The following CDH2 variants were observed in gnomAD, a reference collection of about 807,000 sequenced individuals.
The protein encoded by CDH2 is cadherin-2.
In CDH2, 17 loss-of-function variants were observed where a neutral mutation model predicts 92.0. That is an observed-to-expected ratio of 0.18 (90% CI 0.13 to 0.28). The LOEUF is 0.28. CDH2 is among the 10% of genes least tolerant of loss of function. The pLI, the probability that CDH2 is intolerant of heterozygous loss-of-function variation, is 1.00. For synonymous variants in CDH2, 419 were observed against 415.9 expected (o/e 1.01, Z -0.09); for missense variants, 862 against 1,133.1 (o/e 0.76, Z 3.44).
At chr18:27,950,545 G>A (rs1051183622), downstream of CDH2, among the ~76,000 whole-genome samples, 1 of 152,088 alleles carries the variant, frequency 6.6e-6, no homozygotes, top group Admixed American at 6.6e-5. Context: ...AGAATTCCAG[G>A]TGTCCACTGC....
At chr18:28,071,255 T>C (rs2014612630) in intron 2 of CDH2, among the ~76,000 whole-genome samples, 1 of 152,134 alleles carries the variant, frequency 6.6e-6, no homozygotes, top group Non-Finnish European at 1.5e-5. Flanking sequence ...TTTCCCCTTC[T>C]TTTGAGTAAG....
intron 2 of CDH2, among the ~76,000 whole-genome samples, chr18:28,067,349 C>G (rs1247421889): frequency 6.6e-6 from 1 of 152,078 alleles, no homozygotes; most frequent in African/African-American, 2.4e-5. Flanking sequence ...CTGCCCCTCA[C>G]AGCCGTCATC....
intron 7 of CDH2, among the ~76,000 whole-genome samples, chr18:27,997,729 T>A (rs1358271035): frequency 6.6e-6 from 1 of 152,000 alleles, no homozygotes; most frequent in Non-Finnish European, 1.5e-5. Flanking sequence ...TGCCTCTAGA[T>A]AAATTGGGTT....
At chr18:27,964,558 C>T (rs1200519622) in intron 14 of CDH2, among the ~76,000 whole-genome samples, 1 of 152,196 alleles carries the variant, frequency 6.6e-6, no homozygotes, top group Non-Finnish European at 1.5e-5. Flanking sequence ...CTTCATCTCT[C>T]TGTCTGAAAC....
chr18:28,043,489 T>TATAA (rs2014000098), intron 2 of CDH2, among the ~76,000 whole-genome samples: 2 of 75,036 alleles, frequency 2.7e-5, no homozygotes, highest in East Asian at 1.0e-3. Context: ...TATATATATA[T>TATAA]ATATAAATAT....
At chr18:27,938,166 C>A (rs1192981338) in intron 6 of CDH2, among the ~76,000 whole-genome samples, 2 of 152,168 alleles carry the variant, frequency 1.3e-5, no homozygotes, top group East Asian at 3.9e-4. Context: ...GCTCCCCCTT[C>A]GCCTTCCACC....
intron 2 of CDH2, among the ~76,000 whole-genome samples, chr18:28,078,600 A>C (rs1490607729): frequency 6.6e-6 from 1 of 151,764 alleles, no homozygotes; most frequent in East Asian, 1.9e-4. Context: ...CAACTCCCTC[A>C]TATTTGATAT....
At chr18:27,988,865 T>A (rs757381629) in intron 10 of CDH2, among the ~76,000 whole-genome samples, 199 bp from the exon 11 acceptor site, 1 of 152,190 alleles carries the variant, frequency 6.6e-6, no homozygotes, top group Non-Finnish European at 1.5e-5. Context: ...GTCAGGCATG[T>A]AGGAAACATT....
chr18:28,089,860 G>A (rs2015004157), intron 2 of CDH2, among the ~76,000 whole-genome samples: 1 of 152,106 alleles, frequency 6.6e-6, no homozygotes, highest in African/African-American at 2.4e-5. Flanking sequence ...GAGGTAAACA[G>A]GACAGAGCCC....
chr18:27,975,585 C>T (rs1386853836), intron 14 of CDH2, among the ~76,000 whole-genome samples: 2 of 152,218 alleles, frequency 1.3e-5, no homozygotes, highest in East Asian at 3.9e-4. Context: ...GCCTGCCACC[C>T]CAAGGCCCCA....
rs201467326 is a variant in CDH2 at position 28,012,008 on chromosome 18, G to C, written c.400-16C>G. On this transcript the variant is annotated splice_polypyrimidine_tract_variant and intron_variant, in intron 3 of 15. Transcript: ENST00000269141. ...CTGCTGACTCCTTTACATTAAAATA[G>C]AAGACATTCCTGAGTACTAGGAAAC... 7.5e-6 allele frequency: 12 copies of C among 1,609,618 alleles called. No homozygotes were observed. The highest frequency in any genetic ancestry group is 1.3e-5 in the African/African-American group (1 of 74,892).
At chr18:28,010,928 G>A (rs893834810) in intron 4 of CDH2, among the ~76,000 whole-genome samples, 4 of 148,746 alleles carry the variant, frequency 2.7e-5, no homozygotes, top group African/African-American at 9.8e-5. Context: ...GGGATTACAG[G>A]TGCCCTGCCT....
At position 27,992,665 on chromosome 18, in the gene CDH2, G is replaced by T. The variant is rs200033452; in HGVS notation, c.1334C>A (p.Thr445Asn). Residue 445 changes from threonine to asparagine, a missense_variant, in exon 9 of 16, where the codon ACC becomes AAC. By Grantham distance (65) the Thr-to-Asn change is moderately conservative. Coordinates refer to ENST00000269141, the MANE Select transcript of CDH2 (RefSeq NM_001792.5). ...CCGAGGAACACTTACTTTGACCACGGTGACTAACCCGTCGTTGCTGTTTGG... is the reference window on the plus strand; with the variant it reads ...CCGAGGAACACTTACTTTGACCACGTTGACTAACCCGTCGTTGCTGTTTGG... ...TDPNSNDGLV[T>N]VVKPIDFETN... 6.2e-7 allele frequency: 1 copy of T among 1,611,978 alleles called. No homozygotes were observed. Among genetic ancestry groups the T allele is most frequent in the Non-Finnish European group, 8.5e-7 (1 of 1,178,722 alleles).
intron 2 of CDH2, among the ~76,000 whole-genome samples, chr18:28,144,750 A>C (rs1048200562): frequency 6.6e-6 from 1 of 152,106 alleles, no homozygotes; most frequent in African/African-American, 2.4e-5. Context: ...CTATCTTCAA[A>C]GAGTGGATGT....
chr18:28,168,557 T>C (rs968415127), intron 1 of CDH2: 1 of 299,512 alleles, frequency 3.3e-6, no homozygotes, highest in African/African-American at 2.3e-5. Context: ...TCAGAAAGTA[T>C]TTTAAGTTCC....
intron 15 of CDH2, among the ~76,000 whole-genome samples, chr18:27,956,649 T>C (rs2011252636): frequency 1.3e-5 from 2 of 152,276 alleles, no homozygotes; most frequent in South Asian, 4.1e-4. Context: ...TACAAACTAT[T>C]GGTTTCTGTC....
chr18:27,949,979 T>G (rs557942447), downstream of CDH2, among the ~76,000 whole-genome samples: 1 of 152,172 alleles, frequency 6.6e-6, no homozygotes, highest in South Asian at 2.1e-4. Flanking sequence ...AGTGTTATGA[T>G]GTGTGAATCT....
At chr18:28,117,775 G>A (rs942647321) in intron 2 of CDH2, among the ~76,000 whole-genome samples, 25 of 152,000 alleles carry the variant, frequency 1.6e-4, no homozygotes, top group Admixed American at 3.3e-4. Context: ...ATTTACAGAC[G>A]AGAAAATGGC....
At chr18:27,965,687 T>TTGAAC (rs1319304038) in intron 14 of CDH2, among the ~76,000 whole-genome samples, 1 of 152,112 alleles carries the variant, frequency 6.6e-6, no homozygotes, top group African/African-American at 2.4e-5. Context: ...GTGAAAGTCC[T>TTGAAC]TGAACTGTTA....
Sources: gnomAD v4.1 joint callset for allele counts (sites outside exome capture counted in the v4.1 genomes callset) on GRCh38, gnomAD v4.1.1 for gene constraint, MANE v1.5 for transcripts, NCBI Gene and HGNC (gene_info 2026-07-23, HGNC 2026-07-21) for gene names.